SYNE1: variants seen among roughly 807,000 people sequenced by gnomAD.
The protein encoded by SYNE1 is nesprin-1.
In SYNE1, 616 loss-of-function variants were observed where a neutral mutation model predicts 1,111.0. That is an observed-to-expected ratio of 0.55 (90% CI 0.52 to 0.59). SYNE1 has a LOEUF of 0.59. Ranked by LOEUF, SYNE1 falls within the 20% of genes least tolerant of loss-of-function variation. The pLI, the probability that SYNE1 is intolerant of heterozygous loss-of-function variation, is 0.00. For missense variants in SYNE1, 10,006 were observed against 10,417.0 expected, an observed-to-expected ratio of 0.96 and a Z score of 1.72; for synonymous variants, 3,855 against 3,825.8, an observed-to-expected ratio of 1.01 and a Z score of -0.28.
At position 152,230,652 on chromosome 6, in the gene SYNE1, A is replaced by T. The variant is rs758318901; in HGVS notation, c.21090T>A (p.Asn7030Lys). Residue 7030 changes from asparagine (N) to lysine (K), a missense_variant, in exon 115 of 146, where the codon AAT (asparagine) becomes AAA (lysine). Asn to Lys is a moderately conservative substitution (Grantham distance 94). This residue lies in a region of SYNE1 where 2,182 missense variants were observed against 2,287.8 expected (regional missense o/e 0.95). Transcript: ENST00000367255. ...CAAACCATGTTTTCAGACATTGTAC[A>T]TTATTTTCATATTCTGACCAAGATT... is the stretch of plus-strand genomic sequence containing the variant. ...LLESWSEYENNVQCLKTWFET... is the reference protein window; with the variant it reads ...LLESWSEYENKVQCLKTWFET... 4 of 1,614,060 alleles carry T rather than the reference A, an allele frequency of 2.5e-6. No individual in the cohort carries two copies. The highest frequency in any genetic ancestry group is 2.5e-6 in the Non-Finnish European group (3 of 1,179,954).
At chr6:152,593,997 A>G (rs2099574015) in intron 3 of SYNE1, among the ~76,000 whole-genome samples, 1 of 152,164 alleles carries the variant, frequency 6.6e-6, no homozygotes, top group South Asian at 2.1e-4. Flanking sequence ...CCAATGTTTT[A>G]GATGAGGACA....
intron 87 of SYNE1, chr6:152,311,208 G>T (rs1050519956): frequency 6.4e-6 from 2 of 313,918 alleles, no homozygotes; most frequent in South Asian, 3.9e-5. Flanking sequence ...AAACATACTA[G>T]GTGTCTTATT....
intron 145 of SYNE1, chr6:152,127,606 A>G (rs1276308451): frequency 6.6e-6 from 1 of 152,156 alleles, no homozygotes; most frequent in Non-Finnish European, 1.5e-5. Flanking sequence ...CCCTAGAAAC[A>G]CCAGGAAGGC....
In SYNE1 at chr6:152,269,656, A is replaced by T. The variant is rs151225830; in HGVS notation, c.18574-370T>A. Among the ~76,000 whole-genome samples, 1,440 of 152,230 alleles carry T rather than the reference A, an allele frequency of 9.5e-3. 25 individuals carry two copies. The highest frequency in any genetic ancestry group is 0.033 in the African/African-American group (1,354 of 41,540). On this transcript the variant is annotated intron_variant, in intron 98 of 145. Coordinates refer to ENST00000367255, the MANE Select transcript of SYNE1 (RefSeq NM_182961.4). ...TCACACAAAGGTAAACTGTTTCTCA[A>T]ATGATCATTACCCACAATAATTGTG...
Position 152,510,993 on chromosome 6 carries a change from G to T in SYNE1, c.402+18C>A. Reference sequence around the variant, plus strand: ...CTGAGACATTGCATCAACTGAAAGAGGAACTGTAGCACAATACCTGGAAAT... The same window carrying T: ...CTGAGACATTGCATCAACTGAAAGATGAACTGTAGCACAATACCTGGAAAT... On this transcript the variant is annotated intron_variant, in intron 7 of 145. Transcript: ENST00000367255. 6.2e-7 allele frequency: 1 copy of T among 1,607,136 alleles called. No homozygotes were observed. The highest frequency in any genetic ancestry group is 1.1e-5 in the South Asian group (1 of 90,934).
intron 3 of SYNE1, chr6:152,545,956 T>C (rs948927822): frequency 1.3e-5 from 2 of 152,206 alleles, no homozygotes; most frequent in Admixed American, 6.5e-5. Flanking sequence ...AATAAAATAT[T>C]GGAATGAAAT....
chr6:152,210,090 A>G (rs1173511598), intron 124 of SYNE1, among the ~76,000 whole-genome samples: 1 of 152,180 alleles, frequency 6.6e-6, no homozygotes, highest in Non-Finnish European at 1.5e-5. Flanking sequence ...GCTGAACTTG[A>G]AGCTCTAAAA....
chr6:152,486,927 T>C (rs1039014481), intron 12 of SYNE1, among the ~76,000 whole-genome samples: 3 of 152,236 alleles, frequency 2.0e-5, no homozygotes, highest in African/African-American at 7.2e-5. Context: ...GAGTAGAATA[T>C]ATTACAGAAT....
chr6:152,131,758 C>T (rs2055762558), intron 144 of SYNE1, among the ~76,000 whole-genome samples: 1 of 152,160 alleles, frequency 6.6e-6, no homozygotes, highest in South Asian at 2.1e-4. Context: ...AGCCGAGGCG[C>T]CCCGCAAGTG....
intron 77 of SYNE1, 23 bp from the exon 78 acceptor site, chr6:152,331,913 A>G: frequency 6.2e-7 from 1 of 1,606,856 alleles, no homozygotes; most frequent in African/African-American, 1.3e-5. Flanking sequence ...GGAAAGGTAT[A>G]AGAGCAAATT....
At position 152,284,098 on chromosome 6, in the gene SYNE1, T is replaced by C; in HGVS notation, c.18087A>G (p.Val6029=). 6.2e-7 allele frequency: 1 copy of C among 1,614,224 alleles called. No individual in the cohort carries two copies. The highest frequency in any genetic ancestry group is 8.5e-7 in the Non-Finnish European group (1 of 1,180,040). The change falls in exon 96 of 146, where the codon GTA becomes GTG. Residue 6029 remains valine (V), a synonymous_variant. Transcript: ENST00000367255. ...CAGGGTCGGCCTCACAAGACTCGGA[T>C]ACCAGCTCCTCTGCGAGAGAGGACT... ...ELQSSLAEEL[V]SESCEADPAE... is the part of the protein sequence containing the mutation.
chr6:152,553,456 A>C (rs1419345640), intron 3 of SYNE1, among the ~76,000 whole-genome samples: 1 of 152,166 alleles, frequency 6.6e-6, no homozygotes, highest in African/African-American at 2.4e-5. Context: ...TACTATATTA[A>C]AAACGATATG....
At chr6:152,481,973 TGGTG>T (rs1443746843) in intron 14 of SYNE1, among the ~76,000 whole-genome samples, 4 of 151,944 alleles carry the variant, frequency 2.6e-5, no homozygotes, top group Non-Finnish European at 5.9e-5. Context: ...TTGTCTGCGT[TGGTG>T]ATTGGGGGAG....
intron 121 of SYNE1, among the ~76,000 whole-genome samples, chr6:152,217,018 G>A (rs555457834): frequency 7.5e-4 from 112 of 148,774 alleles, no homozygotes; most frequent in Non-Finnish European, 1.3e-3. Flanking sequence ...AGCCGAGATC[G>A]TGCCACTGCA....
In SYNE1 at chr6:152,144,377, G is replaced by A. The variant is rs1171509155; in HGVS notation, c.24977-612C>T. 3 of 157,174 alleles carry A rather than the reference G, an allele frequency of 1.9e-5. No individual in the cohort carries two copies. The East Asian group carries it at 5.6e-4, about 29-fold the overall frequency. The allele number at this position is 157,174 out of a possible 1,614,324, so 9.7% of individuals were successfully genotyped here. ...AGATCTGAAACAAAACCAGGAGAAA[G>A]CTAAGATTTTAACATTTCCATCTAG... On this transcript the variant is annotated intron_variant, in intron 137 of 145. Coordinates refer to ENST00000367255, the MANE Select transcript of SYNE1 (RefSeq NM_182961.4).
In SYNE1 at chr6:152,218,342, A is replaced by G. The variant is rs1251837360; in HGVS notation, c.22106T>C (p.Val7369Ala). Residue 7369 changes from valine (V) to alanine (A), a missense_variant, in exon 121 of 146, where the codon GTG (valine) becomes GCG (alanine). Around this residue, in one of 7 missense-constraint regions of SYNE1, gnomAD observed 2,182 missense variants for 2,287.8 expected, o/e 0.95. Coordinates refer to ENST00000367255, the MANE Select transcript of SYNE1 (RefSeq NM_182961.4). ...CCCTTGTAGTATTTCTTCAGCTTCC[A>G]CTATCCAGGCCTCCAAAGCTTCTAA... ...KSLEALEAWI[V>A]EAEEILQGQD... 3 of 1,613,922 alleles carry G rather than the reference A, an allele frequency of 1.9e-6. No individual in the cohort carries two copies. The highest frequency in any genetic ancestry group is 2.5e-6 in the Non-Finnish European group (3 of 1,179,988).
rs114934585 is a variant in SYNE1, at chr6:152,628,044, C to A, written c.67+221G>T. On this transcript the variant is annotated intron_variant, in intron 3 of 145. Coordinates refer to ENST00000367255, the MANE Select transcript of SYNE1 (RefSeq NM_182961.4). Reference sequence around the variant, plus strand: ...ACATGCTAATGCAGACACAAAATTACAAAAAAAAAAAAAAAAGCTGTATTT... The same window carrying A: ...ACATGCTAATGCAGACACAAAATTAAAAAAAAAAAAAAAAAAGCTGTATTT... 5.6e-3 allele frequency among the ~76,000 whole-genome samples: 582 copies of A among 103,154 alleles called. 1 individual carries two copies. Among genetic ancestry groups the A allele is most frequent in the South Asian group, 8.3e-3 (24 of 2,884 alleles). 67.7% of individuals were successfully genotyped at this position (103,154 alleles called of 152,430 possible).
At chr6:152,505,781 A>G (rs1424620133) in intron 8 of SYNE1, among the ~76,000 whole-genome samples, 1 of 151,926 alleles carries the variant, frequency 6.6e-6, no homozygotes, top group African/African-American at 2.4e-5. Context: ...ATTTTAAGAA[A>G]CCAAATTATA....
chr6:152,353,644 C>G lies in SYNE1; in HGVS notation c.11027G>C (p.Gly3676Ala). 1 of 1,614,196 alleles carries G rather than the reference C, an allele frequency of 6.2e-7. No homozygotes were observed. The highest frequency in any genetic ancestry group is 1.7e-5 in the Admixed American group (1 of 60,020). ...GGAAGTCAGCTGGGTGGCCTGGCAA[C>G]CCATTCTGCTGTTCACGTGGCTCTC... Reference protein sequence around the residue: ...LDESHVNSRMGCQATQLTSRY... With the variant: ...LDESHVNSRMACQATQLTSRY... The change falls in exon 68 of 146, where the codon GGT becomes GCT. Residue 3676 changes from glycine (G) to alanine (A), a missense_variant. By Grantham distance (60) the Gly-to-Ala change is moderately conservative (BLOSUM62 0). Coordinates refer to ENST00000367255, the MANE Select transcript of SYNE1 (RefSeq NM_182961.4).
Sources: gnomAD v4.1 joint callset for allele counts (sites outside exome capture counted in the v4.1 genomes callset) on GRCh38, gnomAD v4.1.1 for gene constraint, gnomAD v4.1.1 regional missense constraint, MANE v1.5 for transcripts, NCBI Gene and HGNC (gene_info 2026-07-23, HGNC 2026-07-21) for gene names.